Variants in ENTREP2 observed in about 807,000 individuals in gnomAD.
ENTREP2 encodes protein ENTREP2.
At chr15:29,128,962 G>A in the ENTREP2 span, 1 of 719,018 alleles carries the variant, frequency 1.4e-6, no homozygotes, top group Non-Finnish European at 2.3e-6. Context: ...CTCCTGGTGG[G>A]AAGCGCTGAG....
the ENTREP2 span, among the ~76,000 whole-genome samples, chr15:29,206,645 G>C: frequency 6.6e-6 from 1 of 152,098 alleles, no homozygotes; most frequent in Non-Finnish European, 1.5e-5. Flanking sequence ...TCGGGGACAG[G>C]GGCCAATCCG....
the ENTREP2 span, among the ~76,000 whole-genome samples, chr15:29,173,127 C>T: frequency 1.2e-4 from 18 of 152,282 alleles, no homozygotes; most frequent in Non-Finnish European, 1.9e-4. Flanking sequence ...CCCAGTCCCC[C>T]GCCCAGGGAA....
the ENTREP2 span, among the ~76,000 whole-genome samples, chr15:29,156,785 T>C: frequency 6.6e-6 from 1 of 152,104 alleles, no homozygotes; most frequent in African/African-American, 2.4e-5. Context: ...ATGAGATGCC[T>C]GCGCGTGGGC....
chr15:29,207,257 G>A, the ENTREP2 span, among the ~76,000 whole-genome samples: 1 of 152,180 alleles, frequency 6.6e-6, no homozygotes. Context: ...GACTGGCATT[G>A]TGTCCAGAAT....
chr15:29,543,087 C>A, the ENTREP2 span, among the ~76,000 whole-genome samples: 32 of 152,222 alleles, frequency 2.1e-4, no homozygotes, highest in African/African-American at 2.4e-5. Context: ...TGGGTATATA[C>A]CCAGACTTGC....
chr15:29,448,199 T>C, the ENTREP2 span, among the ~76,000 whole-genome samples: 48 of 152,306 alleles, frequency 3.2e-4, no homozygotes, highest in East Asian at 9.3e-3. Context: ...CAGTGGCCTA[T>C]AGGTGGGTCA....
the ENTREP2 span, among the ~76,000 whole-genome samples, chr15:29,569,050 T>C: frequency 2.0e-5 from 3 of 152,182 alleles, no homozygotes; most frequent in African/African-American, 7.2e-5. Context: ...CAGTGCCCGC[T>C]AGACAGACAT....
the ENTREP2 span, among the ~76,000 whole-genome samples, chr15:29,309,799 A>AAAG: frequency 6.6e-6 from 1 of 151,768 alleles, no homozygotes; most frequent in Non-Finnish European, 1.5e-5. Context: ...AAAAAAAAAA[A>AAAG]AAAAGTGCTC....
the ENTREP2 span, among the ~76,000 whole-genome samples, chr15:29,459,626 T>G: frequency 6.6e-6 from 1 of 152,180 alleles, no homozygotes; most frequent in Non-Finnish European, 1.5e-5. Context: ...TGAGAAACGT[T>G]AGGTGACTCT....
chr15:29,570,529 G>A, the ENTREP2 span: 3 of 1,454,434 alleles, frequency 2.1e-6, no homozygotes, highest in East Asian at 9.1e-5. Context: ...AGAAGGGGCA[G>A]GAGTGGCGGA....
the ENTREP2 span, among the ~76,000 whole-genome samples, chr15:29,200,923 T>C: frequency 6.6e-6 from 1 of 152,100 alleles, no homozygotes; most frequent in Non-Finnish European, 1.5e-5. Context: ...AATTTTCCAA[T>C]TTATTTATTT....
chr15:29,319,532 T>C, the ENTREP2 span, among the ~76,000 whole-genome samples: 4 of 152,106 alleles, frequency 2.6e-5, no homozygotes, highest in Admixed American at 2.6e-4. Flanking sequence ...GGGTGAGAAA[T>C]TCATCTGGAA....
chr15:29,489,543 C>T, the ENTREP2 span, among the ~76,000 whole-genome samples: 2 of 152,196 alleles, frequency 1.3e-5, no homozygotes, highest in African/African-American at 4.8e-5. Context: ...AGTCCAAAAA[C>T]TATTTTAATT....
the ENTREP2 span, among the ~76,000 whole-genome samples, chr15:29,284,958 T>C: frequency 6.6e-6 from 1 of 152,212 alleles, no homozygotes; most frequent in Non-Finnish European, 1.5e-5. Context: ...AAATTTTAGT[T>C]AGATCCTAGC....
At chr15:29,572,561 G>A in the ENTREP2 span, among the ~76,000 whole-genome samples, 2 of 144,572 alleles carry the variant, frequency 1.4e-5, no homozygotes, top group Non-Finnish European at 3.0e-5. Context: ...TTTTTTTTAC[G>A]TTCTTAGGGT....
the ENTREP2 span, chr15:29,195,285 C>T: frequency 2.0e-6 from 2 of 984,998 alleles, no homozygotes; most frequent in Non-Finnish European, 2.4e-6. Context: ...TGAGCCGCAT[C>T]CTCTCTCTCT....
chr15:29,150,578 C>T, the ENTREP2 span, among the ~76,000 whole-genome samples: 1 of 152,264 alleles, frequency 6.6e-6, no homozygotes, highest in Non-Finnish European at 1.5e-5. Flanking sequence ...TGAACAAGGG[C>T]AGAAGTTCAA....
chr15:29,590,616 A>C, the ENTREP2 span, among the ~76,000 whole-genome samples: 2 of 143,028 alleles, frequency 1.4e-5, no homozygotes, highest in Admixed American at 1.5e-4. Flanking sequence ...CCCAGGAAGC[A>C]GAGGTTGCAG....
the ENTREP2 span, among the ~76,000 whole-genome samples, chr15:29,463,442 C>G: frequency 1.3e-5 from 2 of 152,082 alleles, no homozygotes; most frequent in African/African-American, 4.8e-5. Context: ...CACAATTATA[C>G]AATGTATTAA....
Sources: allele counts gnomAD v4.1 joint callset (sites outside exome capture counted in the v4.1 genomes callset), GRCh38; gene constraint gnomAD v4.1.1; transcripts MANE v1.5; gene names NCBI Gene and HGNC (gene_info 2026-07-23, HGNC 2026-07-21).